The following CSRP3 variants were observed in gnomAD, a reference collection of about 807,000 sequenced individuals.
The protein encoded by CSRP3 is cysteine and glycine-rich protein 3.
In CSRP3, 24 loss-of-function variants were observed where a neutral mutation model predicts 24.3. That is an observed-to-expected ratio of 0.99 (90% CI 0.71 to 1.39). The LOEUF is 1.39. Among genes scored for constraint, CSRP3 ranks in the 40% most tolerant of loss-of-function variants. The probability of loss-of-function intolerance (pLI) is 0.00; values close to 1 mark genes in which losing one functional copy is unlikely to be tolerated. For synonymous variants in CSRP3, 105 were observed against 94.0 expected (o/e 1.12, Z -0.68); for missense variants, 240 against 249.0 (o/e 0.96, Z 0.24).
intron 5 of CSRP3, among the ~76,000 whole-genome samples, chr11:19,184,028 G>A (rs763710824): frequency 6.6e-5 from 10 of 152,194 alleles, no homozygotes; most frequent in Non-Finnish European, 1.5e-4. Flanking sequence ...GGCCTCCCCA[G>A]CCATGTGGAA....
intron 1 of CSRP3, 78 bp from the exon 2 acceptor site, chr11:19,192,554 A>G: frequency 1.1e-6 from 1 of 900,224 alleles, no homozygotes; most frequent in Non-Finnish European, 1.8e-6. Context: ...CAGTGGTCTG[A>G]AGACCAGGAT....
chr11:19,182,371 G>T lies in CSRP3; in HGVS notation c.*299C>A. Reference sequence around the variant, plus strand: ...TTTTTTGAACTAGCTTTATGTTTTTGAAAATTTCTATCTCAAAGAAAAGAT... The same window carrying T: ...TTTTTTGAACTAGCTTTATGTTTTTTAAAATTTCTATCTCAAAGAAAAGAT... On this transcript the variant is annotated 3_prime_UTR_variant, in exon 6 of 6. Coordinates refer to ENST00000265968, the MANE Select transcript of CSRP3 (RefSeq NM_003476.5). 2.7e-6 allele frequency: 1 copy of T among 369,368 alleles called. No individual in the cohort carries two copies. The highest frequency in any genetic ancestry group is 5.0e-6 in the Non-Finnish European group (1 of 201,102). 22.9% of individuals were successfully genotyped at this position (369,368 alleles called of 1,614,324 possible). A position where few individuals can be genotyped will look rare whatever the true frequency, so the allele number is the denominator to read the frequency against.
intron 1 of CSRP3, among the ~76,000 whole-genome samples, chr11:19,200,761 C>T (rs1850824905): frequency 6.6e-6 from 1 of 152,198 alleles, no homozygotes; most frequent in Non-Finnish European, 1.5e-5. Flanking sequence ...GTTCTACATG[C>T]ATTGTGATGA....
chr11:19,185,001 A>T lies in CSRP3; in HGVS notation c.459T>A (p.Ser153Arg), dbSNP rs1590102813. The T allele has an allele frequency of 1.9e-6, 3 of 1,614,054 alleles. No individual in the cohort carries two copies. The highest frequency in any genetic ancestry group is 2.7e-5 in the African/African-American group (2 of 75,006). ...TCFRCAICGKSLESTNVTDKD... is the reference protein window; with the variant it reads ...TCFRCAICGKRLESTNVTDKD... ...TGTCAGTGACATTTGTGGACTCCAGACTCTTCCCACAGATGGCACAGCGGA... is the reference window on the plus strand; with the variant it reads ...TGTCAGTGACATTTGTGGACTCCAGTCTCTTCCCACAGATGGCACAGCGGA... Residue 153 changes from serine to arginine, a missense_variant, in exon 5 of 6, where the codon AGT (serine) becomes AGA (arginine). Coordinates refer to ENST00000265968, the MANE Select transcript of CSRP3 (RefSeq NM_003476.5).
chr11:19,186,378 T>C, intron 3 of CSRP3, 30 bp from the exon 4 acceptor site: 1 of 1,614,080 alleles, frequency 6.2e-7, no homozygotes, highest in Non-Finnish European at 8.5e-7. Context: ...GAATGAAACG[T>C]AGATTTCCCT....
intron 2 of CSRP3, among the ~76,000 whole-genome samples, chr11:19,190,274 G>A (rs1850593886): frequency 6.6e-6 from 1 of 152,218 alleles, no homozygotes; most frequent in Non-Finnish European, 1.5e-5. Context: ...GCCACTCCCT[G>A]GCTTCTGATG....
intron 1 of CSRP3, among the ~76,000 whole-genome samples, chr11:19,198,185 A>AAG (rs1246937446): frequency 1.2e-4 from 18 of 152,352 alleles, no homozygotes; most frequent in African/African-American, 4.3e-4. Context: ...AAGAGAACTG[A>AAG]AGAGCTTAAG....
intron 1 of CSRP3, among the ~76,000 whole-genome samples, chr11:19,193,622 G>T (rs1374267654): frequency 6.6e-6 from 1 of 152,200 alleles, no homozygotes; most frequent in Non-Finnish European, 1.5e-5. Context: ...GCCTTCCAAA[G>T]TGCTGGAATT....
At chr11:19,185,603 C>G (rs1017719920) in intron 4 of CSRP3, among the ~76,000 whole-genome samples, 3 of 152,176 alleles carry the variant, frequency 2.0e-5, no homozygotes, top group Non-Finnish European at 4.4e-5. Context: ...TAGGGTGGAG[C>G]CTGCCCTTGT....
At chr11:19,189,167 G>A (rs530687861) in intron 2 of CSRP3, among the ~76,000 whole-genome samples, 12 of 151,954 alleles carry the variant, frequency 7.9e-5, no homozygotes, top group South Asian at 2.1e-4. Context: ...CTTCAACATC[G>A]GCATCTCCCT....
rs759305806 is a variant in CSRP3 at position 19,192,396 on chromosome 11, TA to T, written c.52del (p.Tyr18ThrfsTer190). 2.5e-6 allele frequency: 4 copies of T among 1,614,222 alleles called. No individual in the cohort carries two copies. Among genetic ancestry groups the T allele is most frequent in the Middle Eastern group, 1.6e-4 (1 of 6,062 alleles). ...ATTGCACTGGATTTCTTCTGCATGGTAGACGGTCTTTTCACAGGCTCCACAT... is the reference window on the plus strand; with the variant it reads ...ATTGCACTGGATTTCTTCTGCATGGTGACGGTCTTTTCACAGGCTCCACAT... ...AKCGACEKTV[Y>X]HAEEIQCNGR... On this transcript the variant is annotated frameshift_variant, in exon 2 of 6. Coordinates refer to ENST00000265968, the MANE Select transcript of CSRP3 (RefSeq NM_003476.5). LOFTEE classifies it high-confidence loss of function.
rs573631766 is a variant in CSRP3 at position 19,188,327 on chromosome 11, T to G, written c.113-23A>C. 3 of 1,611,398 alleles carry G rather than the reference T, an allele frequency of 1.9e-6. No individual in the cohort carries two copies. The South Asian group carries it at 3.3e-5, about 18-fold the overall frequency. On this transcript the variant is annotated intron_variant, in intron 2 of 5. Coordinates refer to ENST00000265968, the MANE Select transcript of CSRP3 (RefSeq NM_003476.5). Reference sequence around the variant, plus strand: ...CCACTGCCAGGAAAAGGAAGGGTCATGGGATTGGAATTGAAATCCTTCTCC... The same window carrying G: ...CCACTGCCAGGAAAAGGAAGGGTCAGGGGATTGGAATTGAAATCCTTCTCC...
intron 4 of CSRP3, among the ~76,000 whole-genome samples, chr11:19,185,506 G>A (rs770528060): frequency 1.3e-5 from 2 of 152,156 alleles, no homozygotes; most frequent in African/African-American, 4.8e-5. Context: ...GCATAATTTC[G>A]ATGTTCTAGA....
At chr11:19,194,956 G>A (rs1222976332) in intron 1 of CSRP3, among the ~76,000 whole-genome samples, 1 of 152,060 alleles carries the variant, frequency 6.6e-6, no homozygotes, top group Admixed American at 6.6e-5. Flanking sequence ...AGCCCATGTT[G>A]TAGTGAGAAA....
chr11:19,184,895 C>T (rs901461674), intron 5 of CSRP3, 57 bp downstream of exon 5: 113 of 1,300,820 alleles, frequency 8.7e-5, no homozygotes, highest in Admixed American at 1.5e-4. Flanking sequence ...GTAATTTCCT[C>T]TCCCAAGGGC....
chr11:19,188,073 G>C (rs1253665988), intron 3 of CSRP3, 63 bp downstream of exon 3: 1 of 1,601,062 alleles, frequency 6.2e-7, no homozygotes, highest in African/African-American at 1.3e-5. Flanking sequence ...CTATGGGAAC[G>C]AAATGAACTG....
intron 3 of CSRP3, among the ~76,000 whole-genome samples, chr11:19,187,295 T>C (rs1047816179): frequency 6.6e-6 from 1 of 152,250 alleles, no homozygotes; most frequent in African/African-American, 2.4e-5. Flanking sequence ...CATGCTCTCC[T>C]GTGGCTTACT....
intron 1 of CSRP3, among the ~76,000 whole-genome samples, chr11:19,197,529 TTCTTTCTTTCTTTCTTTCTTTCTTTC>T (rs1850753928): frequency 1.5e-5 from 2 of 131,222 alleles, no homozygotes; most frequent in Non-Finnish European, 3.2e-5. Context: ...CTTTCTTTCT[TTCTTTCTTTCTTTCTTTCTTTCTTTC>T]TTTCTTTCTT....
At chr11:19,201,677 C>G (rs1007457906) in intron 1 of CSRP3, among the ~76,000 whole-genome samples, 1 of 152,198 alleles carries the variant, frequency 6.6e-6, no homozygotes, top group African/African-American at 2.4e-5. Context: ...AATTCCACCA[C>G]GTAAGTAGTT....
Sources: gnomAD v4.1 joint callset for allele counts (sites outside exome capture counted in the v4.1 genomes callset) on GRCh38, gnomAD v4.1.1 for gene constraint, MANE v1.5 for transcripts, NCBI Gene and HGNC (gene_info 2026-07-23, HGNC 2026-07-21) for gene names.